The following C16orf96 variants were observed in gnomAD, a reference collection of about 807,000 sequenced individuals.
The protein encoded by C16orf96 is uncharacterized protein C16orf96.
Under a neutral mutation model 103.6 loss-of-function variants are expected in C16orf96, and 108 were observed. The ratio of observed to expected loss-of-function variants is 1.04; its 90% CI spans 0.89 to 1.22. The LOEUF (loss-of-function observed/expected upper bound fraction) is 1.22, where lower values mean the gene tolerates loss of function less well. C16orf96 is among the 50% of genes most tolerant of loss of function. The pLI, the probability that C16orf96 is intolerant of heterozygous loss-of-function variation, is 0.00. For synonymous variants in C16orf96, 566 were observed against 593.5 expected (o/e 0.95, Z 0.67); for missense variants, 1,586 against 1,464.2 (o/e 1.08, Z -1.36).
the C16orf96 span, among the ~76,000 whole-genome samples, chr16:4,541,072 C>T: frequency 1.3e-5 from 2 of 152,042 alleles, no homozygotes; most frequent in Non-Finnish European, 2.9e-5. Flanking sequence ...TGCTACCACG[C>T]CTGGCTAATT....
At chr16:4,543,573 C>T in the C16orf96 span, among the ~76,000 whole-genome samples, 1 of 152,094 alleles carries the variant, frequency 6.6e-6, no homozygotes, top group East Asian at 1.9e-4. Flanking sequence ...GATCCTCTCA[C>T]CTTGGCCACC....
In C16orf96 at chr16:4,586,421, C is replaced by T. The variant is rs553071006; in HGVS notation, c.2353-618C>T. Among the ~76,000 whole-genome samples the T allele has an allele frequency of 2.0e-5, 3 of 152,300 alleles. No individual in the cohort carries two copies. The South Asian group carries it at 6.2e-4, about 32-fold the overall frequency. Reference sequence around the variant, plus strand: ...TCTGTTCGTAAGCGTGAGCGGGACACCCGACAGGAAGAGAGAAGTAGAAGC... The same window carrying T: ...TCTGTTCGTAAGCGTGAGCGGGACATCCGACAGGAAGAGAGAAGTAGAAGC... On this transcript the variant is annotated intron_variant, in intron 7 of 15. Transcript: ENST00000444310.
intron 1 of C16orf96, among the ~76,000 whole-genome samples, chr16:4,558,913 CAAAAAAAAA>C (rs771691344): frequency 1.9e-5 from 1 of 51,386 alleles, no homozygotes; most frequent in East Asian, 7.8e-4. Context: ...GACTCTGTCT[CAAAAAAAAA>C]AAAAAAAAAA....
At chr16:4,599,135 A>G in intron 14 of C16orf96, 149 bp from the exon 15 acceptor site, 2 of 647,012 alleles carry the variant, frequency 3.1e-6, no homozygotes, top group South Asian at 2.0e-5. Flanking sequence ...AGGAGGGAAG[A>G]ACATTGATTA....
intron 7 of C16orf96, 64 bp from the exon 8 acceptor site, chr16:4,586,975 G>T (rs1896941649): frequency 1.4e-6 from 2 of 1,415,640 alleles, no homozygotes; most frequent in Admixed American, 3.9e-5. Flanking sequence ...GTAGAGGTGG[G>T]AGGTTGACAT....
intron 1 of C16orf96, among the ~76,000 whole-genome samples, chr16:4,570,387 T>G (rs973421215): frequency 7.9e-5 from 12 of 152,052 alleles, no homozygotes; most frequent in African/African-American, 2.4e-4. Context: ...ATGTTTATAA[T>G]TATTATATCT....
Position 4,556,646 on chromosome 16 carries a change from C to T in C16orf96, c.157C>T (p.Leu53=). ...KKVLSGDEDF[L]QTSQVVIMPR... is the part of the protein sequence containing the mutation. ...AGTCCTCTCAGGCGATGAGGACTTC[C>T]TGCAGACCTCGCAGGTGGTCATCAT... The change falls in exon 1 of 16, where the codon CTG becomes TTG. Residue 53 remains leucine, a synonymous_variant. Transcript: ENST00000444310. 5 of 1,551,734 alleles carry T rather than the reference C, an allele frequency of 3.2e-6. No individual in the cohort carries two copies. Among genetic ancestry groups the T allele is most frequent in the Non-Finnish European group, 4.4e-6 (5 of 1,146,958 alleles).
intron 6 of C16orf96, among the ~76,000 whole-genome samples, chr16:4,579,262 G>C (rs2931242): frequency 0.96 from 145,580 of 151,984 alleles, 70,024 homozygotes; most frequent in East Asian, 1. Flanking sequence ...GCTGTTCAGA[G>C]GGCAGGTGAA....
chr16:4,600,452 A>AC lies in C16orf96; in HGVS notation c.*137dup. On this transcript the variant is annotated 3_prime_UTR_variant, in exon 16 of 16. Transcript: ENST00000444310. ...TATGTGGCCCCCCACCCCCACCCCC[A>AC]CCAAGTCCCCTCCATGTCCGAGGCT... The AC allele has an allele frequency of 5.3e-6, 2 of 378,954 alleles. No individual in the cohort carries two copies. The highest frequency in any genetic ancestry group is 8.3e-5 in the East Asian group (2 of 23,986). The allele number at this position is 378,954 out of a possible 1,614,324, so 23.5% of individuals were successfully genotyped here.
At chr16:4,578,864 G>C (rs2059546441) in intron 5 of C16orf96, 76 bp from the exon 6 acceptor site, 1 of 1,131,544 alleles carries the variant, frequency 8.8e-7, no homozygotes, top group Admixed American at 2.0e-5. Flanking sequence ...TGCTCCATAA[G>C]AGAAGCAGCT....
rs371490822 is a variant in C16orf96 at position 4,587,066 on chromosome 16, G to C, written c.2380G>C (p.Glu794Gln). Reference protein sequence around the residue: ...KTLQAQIKRLEMNKVNKSTME... With the variant: ...KTLQAQIKRLQMNKVNKSTME... ...TCTCCAGGCTCAAATCAAAAGACTGGAAATGAACAAGGTGAATAAGAGCAC... is the reference window on the plus strand; with the variant it reads ...TCTCCAGGCTCAAATCAAAAGACTGCAAATGAACAAGGTGAATAAGAGCAC... Residue 794 changes from glutamate (E) to glutamine (Q), a missense_variant, in exon 8 of 16, where the codon GAA becomes CAA. By Grantham distance (29) the Glu-to-Gln change is conservative. Coordinates refer to ENST00000444310, the MANE Select transcript of C16orf96 (RefSeq NM_001145011.2). The C allele has an allele frequency of 1.0e-5, 16 of 1,551,596 alleles. No homozygotes were observed. In the East Asian group the frequency reaches 2.9e-4, roughly 28 times the overall value.
Position 4,599,377 on chromosome 16 carries a change from T to A in C16orf96, c.3208+13T>A. ...GCCATCTGCCCCCGTGAGTACCTGG[T>A]TCCCAGCCCCAGCCCAGCTGTGATT... On this transcript the variant is annotated intron_variant, in intron 15 of 15. Coordinates refer to ENST00000444310, the MANE Select transcript of C16orf96 (RefSeq NM_001145011.2). 2 of 1,547,962 alleles carry A rather than the reference T, an allele frequency of 1.3e-6. No homozygotes were observed. Among genetic ancestry groups the A allele is most frequent in the South Asian group, 2.4e-5 (2 of 83,976 alleles).
intron 15 of C16orf96, among the ~76,000 whole-genome samples, chr16:4,599,794 C>T (rs922038733): frequency 6.6e-6 from 1 of 152,216 alleles, no homozygotes; most frequent in South Asian, 2.1e-4. Flanking sequence ...TGAGCTGTGG[C>T]CCAAGATCAC....
chr16:4,554,921 G>A (rs112934323), upstream of C16orf96, among the ~76,000 whole-genome samples: 1,257 of 151,210 alleles, frequency 8.3e-3, 26 homozygotes, highest in African/African-American at 0.028. Context: ...GAGCCACCGC[G>A]CCCAGCCGAC....
chr16:4,594,683 G>A (rs753481), intron 13 of C16orf96, 21 bp from the exon 14 acceptor site: 44,690 of 1,550,804 alleles, frequency 0.029, 749 homozygotes, highest in Non-Finnish European at 0.032. Flanking sequence ...TCCCTAACCC[G>A]GGACCTGGGC....
In C16orf96 at chr16:4,556,681, A is replaced by G. The variant is rs1284377619; in HGVS notation, c.192A>G (p.Glu64=). Residue 64 remains glutamate (E), a synonymous_variant, in exon 1 of 16, where the codon GAA becomes GAG. Transcript: ENST00000444310. ...QTSQVVIMPR[E]GDAQPILNPM... ...CGCAGGTGGTCATCATGCCCAGGGA[A>G]GGAGACGCCCAGCCTATCCTCAACC... 10 of 1,551,498 alleles carry G rather than the reference A, an allele frequency of 6.4e-6. No homozygotes were observed. Among genetic ancestry groups the G allele is most frequent in the Non-Finnish European group, 8.7e-6 (10 of 1,146,772 alleles).
Position 4,576,558 on chromosome 16 carries a change from T to C in C16orf96, c.2078T>C (p.Ile693Thr). 3 of 1,551,562 alleles carry C rather than the reference T, an allele frequency of 1.9e-6. No homozygotes were observed. Among genetic ancestry groups the C allele is most frequent in the East Asian group, 2.4e-5 (1 of 40,920 alleles). The change falls in exon 5 of 16, where the codon ATA becomes ACA. Residue 693 changes from isoleucine (I) to threonine (T), a missense_variant. By Grantham distance (89) the Ile-to-Thr change is moderately conservative (BLOSUM62 -1). Transcript: ENST00000444310. ...TATTCCATGAGCCACATAGCCCAGA[T>C]ACCTGTCAAACACGACTCTCTGAAG... ...VKYSMSHIAQ[I>T]PVKHDSLKEE...
chr16:4,592,085 C>T (rs911461659), intron 10 of C16orf96, among the ~76,000 whole-genome samples: 1 of 152,212 alleles, frequency 6.6e-6, no homozygotes, highest in South Asian at 2.1e-4. Flanking sequence ...TTATGGGGCT[C>T]CTGTCCTCAG....
Position 4,574,929 on chromosome 16 carries a change from C to G in C16orf96, c.607-43C>G, listed in dbSNP as rs771124202. On this transcript the variant is annotated intron_variant, in intron 3 of 15. Transcript: ENST00000444310. ...CTTTGCAGGTGTGGGGGACACTGCC[C>G]CCTCCAGGCTCACAGCCCTCATTTT... is the stretch of plus-strand genomic sequence containing the variant. 4 of 1,539,044 alleles carry G rather than the reference C, an allele frequency of 2.6e-6. No homozygotes were observed. The African/African-American group carries it at 4.1e-5, about 16-fold the overall frequency.
Sources: gnomAD v4.1 joint callset for allele counts (sites outside exome capture counted in the v4.1 genomes callset) on GRCh38, gnomAD v4.1.1 for gene constraint, MANE v1.5 for transcripts, NCBI Gene and HGNC (gene_info 2026-07-23, HGNC 2026-07-21) for gene names.